PACRG: variants seen among roughly 807,000 people sequenced by gnomAD.
PACRG encodes the protein parkin coregulated gene protein.
A neutral mutation model predicts 29.7 loss-of-function variants in PACRG; 29 were observed. That is an observed-to-expected ratio of 0.98 (90% confidence interval 0.73 to 1.33). PACRG has a LOEUF of 1.33. Ranked by LOEUF, PACRG falls within the 40% of genes most tolerant of loss-of-function variation. PACRG has a pLI of 0.00. For missense variants in PACRG, 279 were observed against 316.2 expected, an observed-to-expected ratio of 0.88 and a Z score of 0.89; for synonymous variants, 116 against 118.7, an observed-to-expected ratio of 0.98 and a Z score of 0.15.
Position 162,883,684 on chromosome 6 carries a change from CTGTGTG to C in PACRG, c.291+69429_291+69434del, listed in dbSNP as rs144543802. Among the ~76,000 whole-genome samples the C allele has an allele frequency of 6.2e-5, 9 of 145,846 alleles. No homozygotes were observed. The East Asian group carries it at 1.2e-3, about 20-fold the overall frequency. ...AAGGCATCAAACGATTTTTCAAAAACTGTGTGTGTGTGTGTGTGTGTGTGTGTGTGT... is the reference window on the plus strand; with the variant it reads ...AAGGCATCAAACGATTTTTCAAAAACTGTGTGTGTGTGTGTGTGTGTGTGT... On this transcript the variant is annotated intron_variant, in intron 2 of 4. Coordinates refer to ENST00000366888, the MANE Select transcript of PACRG (RefSeq NM_001080379.2).
chr6:163,216,517 T>C (rs1268999570), intron 4 of PACRG, among the ~76,000 whole-genome samples: 1 of 152,172 alleles, frequency 6.6e-6, no homozygotes, highest in Non-Finnish European at 1.5e-5. Context: ...CTATAATTAA[T>C]GTAAAGCAAG....
intron 2 of PACRG, among the ~76,000 whole-genome samples, chr6:162,861,139 A>G (rs1791826722): frequency 6.6e-6 from 1 of 152,216 alleles, no homozygotes; most frequent in Non-Finnish European, 1.5e-5. Flanking sequence ...GCAGCAAAGA[A>G]CATTTAAATA....
intron 1 of PACRG, among the ~76,000 whole-genome samples, chr6:162,812,603 A>G (rs1169582106): frequency 2.2e-5 from 3 of 136,620 alleles, no homozygotes; most frequent in South Asian, 2.5e-4. Flanking sequence ...AAATTTGTCA[A>G]TCATTTATCA....
intron 4 of PACRG, among the ~76,000 whole-genome samples, chr6:163,142,849 A>C (rs575758647): frequency 6.6e-6 from 1 of 152,266 alleles, no homozygotes; most frequent in East Asian, 1.9e-4. Flanking sequence ...CATCAGACAA[A>C]CCCAACTGAA....
chr6:163,308,263 T>C (rs947719852), intron 4 of PACRG, among the ~76,000 whole-genome samples: 13 of 152,354 alleles, frequency 8.5e-5, no homozygotes, highest in African/African-American at 3.1e-4. Context: ...ATTTTTAGCT[T>C]TATTTCACTA....
At chr6:163,136,732 A>T (rs556282125) in intron 4 of PACRG, among the ~76,000 whole-genome samples, 188 of 152,354 alleles carry the variant, frequency 1.2e-3, no homozygotes, top group African/African-American at 4.4e-3. Context: ...CAATTTAGGG[A>T]TTACTGAATG....
intron 2 of PACRG, among the ~76,000 whole-genome samples, chr6:162,951,123 G>C (rs1434614204): frequency 1.3e-5 from 2 of 152,224 alleles, no homozygotes; most frequent in Non-Finnish European, 2.9e-5. Context: ...TCCCTGAAAA[G>C]GAAGTAGGAG....
At position 162,831,376 on chromosome 6, in the gene PACRG, C is replaced by T. The variant is rs78081141; in HGVS notation, c.291+17095C>T. On this transcript the variant is annotated intron_variant, in intron 2 of 4. Transcript: ENST00000366888. Reference sequence around the variant, plus strand: ...AGCCAGACATTGATTAGATGCTGTACATACAGCATCTAAATTCTTGCCCTG... The same window carrying T: ...AGCCAGACATTGATTAGATGCTGTATATACAGCATCTAAATTCTTGCCCTG... 6.1e-4 allele frequency among the ~76,000 whole-genome samples: 93 copies of T among 152,248 alleles called. No individual in the cohort carries two copies. The East Asian group carries it at 0.014, about 23-fold the overall frequency.
In PACRG at chr6:162,777,093, G is replaced by C. The variant is rs1783704843; in HGVS notation, c.157-37054G>C. 2.0e-5 allele frequency among the ~76,000 whole-genome samples: 3 copies of C among 152,114 alleles called. No individual in the cohort carries two copies. The highest frequency in any genetic ancestry group is 2.9e-5 in the Non-Finnish European group (2 of 68,016). ...AAAACCTATTGAAATAAAAAATAAA[G>C]TTGAAAAATAGCTAGCATTAAATCA... On this transcript the variant is annotated intron_variant, in intron 1 of 4. Coordinates refer to ENST00000366888, the MANE Select transcript of PACRG (RefSeq NM_001080379.2). The surrounding 1 kb of genome is among the most constrained non-coding windows in gnomAD (Gnocchi z 4.0).
At chr6:163,044,440 T>TA (rs1809103160) in intron 2 of PACRG, among the ~76,000 whole-genome samples, 1 of 152,176 alleles carries the variant, frequency 6.6e-6, no homozygotes. Context: ...TTGTTGGAAT[T>TA]ACAGACATGA....
chr6:162,896,369 A>T (rs183897748), intron 2 of PACRG, among the ~76,000 whole-genome samples: 2 of 152,316 alleles, frequency 1.3e-5, no homozygotes, highest in Non-Finnish European at 2.9e-5. Context: ...TTTGTGGTTC[A>T]CGCTTACTGC....
At chr6:162,997,220 A>G (rs940823292) in intron 2 of PACRG, among the ~76,000 whole-genome samples, 8 of 152,212 alleles carry the variant, frequency 5.3e-5, no homozygotes, top group Non-Finnish European at 8.8e-5. Flanking sequence ...TATAGAGCAA[A>G]TCTACATAAG....
intron 2 of PACRG, among the ~76,000 whole-genome samples, chr6:162,956,800 TGAC>T (rs1329844542): frequency 3.2e-4 from 48 of 152,144 alleles, no homozygotes; most frequent in Admixed American, 3.1e-3. Context: ...CCAGTCAACT[TGAC>T]TACATCTGCA....
At chr6:163,268,405 A>AAAAAAAAAAAAAAG (rs71008143) in intron 4 of PACRG, among the ~76,000 whole-genome samples, 10 of 143,690 alleles carry the variant, frequency 7.0e-5, no homozygotes, top group Middle Eastern at 3.3e-3. Context: ...GTCTCAAAGA[A>AAAAAAAAAAAAAAG]AAAAAAAAAG....
chr6:162,845,272 G>T (rs574152099), intron 2 of PACRG, among the ~76,000 whole-genome samples: 1 of 152,010 alleles, frequency 6.6e-6, no homozygotes, highest in Non-Finnish European at 1.5e-5. Context: ...TATATGCAAC[G>T]GTACGTTCCA....
intron 2 of PACRG, among the ~76,000 whole-genome samples, chr6:163,048,096 T>G (rs1456980672): frequency 1.3e-5 from 2 of 152,334 alleles, no homozygotes; most frequent in African/African-American, 4.8e-5. Flanking sequence ...CTATAGACTC[T>G]CAGGGTGTGC....
intron 4 of PACRG, among the ~76,000 whole-genome samples, chr6:163,175,683 C>A (rs111590127): frequency 1.3e-5 from 2 of 150,606 alleles, no homozygotes; most frequent in Non-Finnish European, 2.9e-5. Flanking sequence ...TGAGGCCTGG[C>A]CTGTGATACT....
At chr6:163,276,008 CTTCTTTCT>C (rs376811032) in intron 4 of PACRG, among the ~76,000 whole-genome samples, 133 of 140,682 alleles carry the variant, frequency 9.5e-4, no homozygotes, top group African/African-American at 3.3e-3. Context: ...TCCTTCCTTC[CTTCTTTCT>C]TTCTTTCTTT....
chr6:163,151,004 T>C (rs1396054911), intron 4 of PACRG, among the ~76,000 whole-genome samples: 1 of 152,212 alleles, frequency 6.6e-6, no homozygotes, highest in East Asian at 1.9e-4. Context: ...TTGAAATATA[T>C]TAAATTCCTT....
Sources: gnomAD v4.1 joint callset for allele counts (sites outside exome capture counted in the v4.1 genomes callset) on GRCh38, gnomAD v4.1.1 for gene constraint, Gnocchi (gnomAD v3.1) non-coding constraint, MANE v1.5 for transcripts, NCBI Gene and HGNC (gene_info 2026-07-23, HGNC 2026-07-21) for gene names.